Variants in PRDM4 observed in about 807,000 individuals in gnomAD.
PRDM4 encodes the protein PR domain zinc finger protein 4.
A neutral mutation model predicts 62.3 loss-of-function variants in PRDM4; 38 were observed. The observed-to-expected ratio is 0.61, with a 90% CI of 0.47 to 0.80. The LOEUF (loss-of-function observed/expected upper bound fraction) is 0.80, where lower values mean the gene tolerates loss of function less well. Ranked by LOEUF, PRDM4 falls within the 30% of genes least tolerant of loss-of-function variation. PRDM4 has a pLI of 0.00. For synonymous variants in PRDM4, 339 were observed against 348.2 expected, an observed-to-expected ratio of 0.97 and a Z score of 0.30; for missense variants, 858 against 997.1, an observed-to-expected ratio of 0.86 and a Z score of 1.88.
intron 7 of PRDM4, 74 bp from the exon 8 acceptor site, chr12:107,743,356 C>T: frequency 1.9e-6 from 2 of 1,046,420 alleles, no homozygotes; most frequent in Non-Finnish European, 3.0e-6. Flanking sequence ...CTTAGGCCAG[C>T]AATCACCTCA....
Position 107,751,537 on chromosome 12 carries a change from T to C in PRDM4, c.1004A>G (p.Glu335Gly), listed in dbSNP as rs775821938. The C allele has an allele frequency of 3.1e-6, 5 of 1,612,406 alleles. No individual in the cohort carries two copies. In the South Asian group the frequency reaches 4.4e-5, roughly 14 times the overall value. ...EPVAVSSITQ[E>G]VAMGTGHVDV... Reference sequence around the variant, plus strand: ...TACATGACCTGTCCCCATAGCAACCTCCTGGGTGATGGAGGAGACAGCCAC... The same window carrying C: ...TACATGACCTGTCCCCATAGCAACCCCCTGGGTGATGGAGGAGACAGCCAC... The change falls in exon 5 of 12, where the codon GAG becomes GGG. Residue 335 changes from glutamate (E) to glycine (G), a missense_variant. By Grantham distance (98) the Glu-to-Gly change is moderately conservative. Transcript: ENST00000228437.
At position 107,751,573 on chromosome 12, in the gene PRDM4, C is replaced by T. The variant is rs1417643360; in HGVS notation, c.968G>A (p.Ser323Asn). 1.9e-6 allele frequency: 3 copies of T among 1,613,586 alleles called. No homozygotes were observed. Among genetic ancestry groups the T allele is most frequent in the South Asian group, 1.1e-5 (1 of 91,078 alleles). Residue 323 changes from serine (S) to asparagine (N), a missense_variant, in exon 5 of 12, where the codon AGC (serine) becomes AAC (asparagine). Physicochemically the swap from Ser to Asn is conservative, Grantham distance 46. Around this residue, in one of 3 missense-constraint regions of PRDM4, gnomAD observed 499 missense variants for 546.7 expected, o/e 0.91. Coordinates refer to ENST00000228437, the MANE Select transcript of PRDM4 (RefSeq NM_012406.4). ...GGAGGAGACAGCCACAGGTTCTAGG[C>T]TGAGGCCAACTTCATGGAGGGAAAC... The part of the protein sequence containing the change: ...ESVSLHEVGL[S>N]LEPVAVSSIT...
intron 2 of PRDM4, chr12:107,760,107 C>T (rs1891191908): frequency 6.3e-6 from 1 of 158,498 alleles, no homozygotes; most frequent in South Asian, 2.0e-4. Context: ...TGCTTCTGTA[C>T]TTAAACATCA....
rs1375803332 is a variant in PRDM4, at chr12:107,751,846, T to G, written c.695A>C (p.His232Pro). 6.2e-7 allele frequency: 1 copy of G among 1,614,260 alleles called. No individual in the cohort carries two copies. Among genetic ancestry groups the G allele is most frequent in the Non-Finnish European group, 8.5e-7 (1 of 1,180,044 alleles). The change falls in exon 5 of 12, where the codon CAT becomes CCT. Residue 232 changes from histidine to proline, a missense_variant. Around this residue, in one of 3 missense-constraint regions of PRDM4, gnomAD observed 499 missense variants for 546.7 expected, o/e 0.91. Coordinates refer to ENST00000228437, the MANE Select transcript of PRDM4 (RefSeq NM_012406.4). ...HSQIPNGSRS[H>P]EPLSVDSVSN... ...CACAGAATCCACAGACAGAGGTTCA[T>G]GACTTCTGGAGCCATTTGGGATTTG...
chr12:107,751,897 A>G lies in PRDM4; in HGVS notation c.644T>C (p.Met215Thr). The change falls in exon 5 of 12, where the codon ATG becomes ACG. Residue 215 changes from methionine to threonine, a missense_variant. By Grantham distance (81) the Met-to-Thr change is moderately conservative. This residue lies in a region of PRDM4 where 499 missense variants were observed against 546.7 expected (regional missense o/e 0.91). Coordinates refer to ENST00000228437, the MANE Select transcript of PRDM4 (RefSeq NM_012406.4). ...STDGMAEELT[M>T]DGVAGEHSQI... The stretch of plus-strand genomic sequence containing the variant: ...GGAATGCTCGCCTGCAACACCGTCC[A>G]TCGTAAGCTCCTCTGCCATTCCATC... 6.2e-7 allele frequency: 1 copy of G among 1,614,202 alleles called. No homozygotes were observed. The highest frequency in any genetic ancestry group is 8.5e-7 in the Non-Finnish European group (1 of 1,180,042).
Position 107,739,423 on chromosome 12 carries a change from G to T in PRDM4, c.2053C>A (p.Arg685=). The T allele has an allele frequency of 6.2e-7, 1 of 1,613,800 alleles. No homozygotes were observed. Among genetic ancestry groups the T allele is most frequent in the Non-Finnish European group, 8.5e-7 (1 of 1,179,792 alleles). ...KCDYCDKLFM[R]RQDLKQHVLI... ...ACGTGCTGCTTGAGGTCCTGCCTCC[G>T]CATAAACAACTTGTCACAGTAATCA... The change falls in exon 11 of 12, where the codon CGG becomes AGG. Residue 685 remains arginine, a synonymous_variant. Transcript: ENST00000228437.
chr12:107,753,892 T>A (rs1324636340), intron 4 of PRDM4, 32 bp downstream of exon 4: 1 of 1,568,380 alleles, frequency 6.4e-7, no homozygotes, highest in African/African-American at 1.4e-5. Context: ...CCGTTCTTTT[T>A]CTCTAACATC....
At chr12:107,743,444 C>T (rs1313615082) in intron 7 of PRDM4, among the ~76,000 whole-genome samples, 162 bp from the exon 8 acceptor site, 1 of 152,198 alleles carries the variant, frequency 6.6e-6, no homozygotes, top group East Asian at 1.9e-4. Context: ...ATCATTTCAA[C>T]ATTCTCCCTA....
intron 3 of PRDM4, among the ~76,000 whole-genome samples, chr12:107,755,644 T>A (rs531027571): frequency 1.3e-5 from 2 of 152,330 alleles, no homozygotes; most frequent in South Asian, 4.1e-4. Flanking sequence ...TAACTCCTAC[T>A]GTGACAAAGA....
chr12:107,749,373 C>T (rs1327127370), intron 5 of PRDM4, among the ~76,000 whole-genome samples: 3 of 151,062 alleles, frequency 2.0e-5, no homozygotes, highest in Non-Finnish European at 1.5e-5. Flanking sequence ...TCACTACTAC[C>T]CTACCTACTT....
At chr12:107,736,820 T>C (rs1185878288) in intron 11 of PRDM4, 1 of 152,076 alleles carries the variant, frequency 6.6e-6, no homozygotes, top group Non-Finnish European at 1.5e-5. Context: ...AAGGTGTTAG[T>C]TGAATGAAGG....
In PRDM4 at chr12:107,751,395, G is replaced by C. The variant is rs774867002; in HGVS notation, c.1126+20C>G. On this transcript the variant is annotated intron_variant, in intron 5 of 11. Transcript: ENST00000228437. ...CCTTTTTACAAATATTTCCAAAAAAGAAAGGCTAAACACACTCACAAATTG... is the reference window on the plus strand; with the variant it reads ...CCTTTTTACAAATATTTCCAAAAAACAAAGGCTAAACACACTCACAAATTG... The C allele has an allele frequency of 6.3e-7, 1 of 1,577,192 alleles. No homozygotes were observed. The highest frequency in any genetic ancestry group is 8.7e-7 in the Non-Finnish European group (1 of 1,155,296).
intron 11 of PRDM4, among the ~76,000 whole-genome samples, chr12:107,735,864 G>A (rs1890312295): frequency 6.6e-6 from 1 of 151,802 alleles, no homozygotes; most frequent in Admixed American, 6.6e-5. Flanking sequence ...GTGAGAGGGT[G>A]CAGTCGGGCG....
At chr12:107,750,134 T>C (rs766278069) in intron 5 of PRDM4, among the ~76,000 whole-genome samples, 32 of 152,200 alleles carry the variant, frequency 2.1e-4, no homozygotes, top group Admixed American at 8.5e-4. Context: ...ATTATTATCC[T>C]ATATTGTAAC....
rs184534694 is a variant in PRDM4 at position 107,745,833 on chromosome 12, A to G, written c.1276+442T>C. The stretch of plus-strand genomic sequence containing the variant: ...ATGCTAAATTCAAATATGGGTAAGT[A>G]AAGTCTGGCAATCTACATTCTTTAT... On this transcript the variant is annotated intron_variant, in intron 6 of 11. Coordinates refer to ENST00000228437, the MANE Select transcript of PRDM4 (RefSeq NM_012406.4). 5.3e-5 allele frequency among the ~76,000 whole-genome samples: 8 copies of G among 152,342 alleles called. No homozygotes were observed. In the East Asian group the frequency reaches 1.5e-3, roughly 29 times the overall value.
chr12:107,742,680 T>C (rs768646672), intron 8 of PRDM4: 4 of 269,960 alleles, frequency 1.5e-5, no homozygotes, highest in Non-Finnish European at 2.8e-5. Context: ...CTCCAGTAAC[T>C]CAGGGGTGGA....
Position 107,753,956 on chromosome 12 carries a change from A to G in PRDM4, c.299T>C (p.Leu100Pro). 3.1e-6 allele frequency: 5 copies of G among 1,614,082 alleles called. No individual in the cohort carries two copies. The highest frequency in any genetic ancestry group is 4.2e-6 in the Non-Finnish European group (5 of 1,179,990). The change falls in exon 4 of 12, where the codon CTG (leucine) becomes CCG (proline). Residue 100 changes from leucine (L) to proline (P), a missense_variant. Around this residue, in one of 3 missense-constraint regions of PRDM4, gnomAD observed 499 missense variants for 546.7 expected, o/e 0.91. Coordinates refer to ENST00000228437, the MANE Select transcript of PRDM4 (RefSeq NM_012406.4). ...AATGGTTCTGAAATAACTGCTCTCCAGGTGAGGGTAAGGTGGTGGAGGTAG... is the reference window on the plus strand; with the variant it reads ...AATGGTTCTGAAATAACTGCTCTCCGGGTGAGGGTAAGGTGGTGGAGGTAG... ...YTLPPPPYPH[L>P]ESSYFRTILP...
Position 107,751,739 on chromosome 12 carries a change from T to C in PRDM4, c.802A>G (p.Met268Val), listed in dbSNP as rs921286542. ...HGNGLELPVV[M>V]ETDHIASRVN... is the part of the protein sequence containing the mutation. Reference sequence around the variant, plus strand: ...CGACTTGCAATGTGGTCTGTCTCCATGACCACAGGGAGCTCCAGGCCATTC... The same window carrying C: ...CGACTTGCAATGTGGTCTGTCTCCACGACCACAGGGAGCTCCAGGCCATTC... Residue 268 changes from methionine (M) to valine (V), a missense_variant, in exon 5 of 12, where the codon ATG becomes GTG. Around this residue, in one of 3 missense-constraint regions of PRDM4, gnomAD observed 499 missense variants for 546.7 expected, o/e 0.91. Coordinates refer to ENST00000228437, the MANE Select transcript of PRDM4 (RefSeq NM_012406.4). 6.2e-7 allele frequency: 1 copy of C among 1,614,172 alleles called. No individual in the cohort carries two copies. Among genetic ancestry groups the C allele is most frequent in the Non-Finnish European group, 8.5e-7 (1 of 1,180,002 alleles).
intron 10 of PRDM4, 93 bp from the exon 11 acceptor site, chr12:107,739,644 G>A: frequency 7.6e-7 from 1 of 1,316,510 alleles, no homozygotes. Context: ...AGCAGAGGCA[G>A]GAATGAAACA....
Sources: allele counts gnomAD v4.1 joint callset (sites outside exome capture counted in the v4.1 genomes callset), GRCh38; gene constraint gnomAD v4.1.1; regional missense constraint gnomAD v4.1.1; transcripts MANE v1.5; gene names NCBI Gene and HGNC (gene_info 2026-07-23, HGNC 2026-07-21).